The following XKR9 variants were observed in gnomAD, a reference collection of about 807,000 sequenced individuals.
XKR9 encodes the protein XK-related protein 9.
In XKR9, 32 loss-of-function variants were observed where a neutral mutation model predicts 32.0. The ratio of observed to expected loss-of-function variants is 1.00; its 90% CI spans 0.76 to 1.34. XKR9 has a LOEUF of 1.34. XKR9 is among the 40% of genes most tolerant of loss of function. XKR9 has a pLI of 0.00. For synonymous variants in XKR9, 168 were observed against 143.4 expected (o/e 1.17, Z -1.22); for missense variants, 546 against 429.7 (o/e 1.27, Z -2.39).
At chr8:70,722,120 C>A (rs1806302990) in intron 4 of XKR9, among the ~76,000 whole-genome samples, 1 of 151,776 alleles carries the variant, frequency 6.6e-6, no homozygotes, top group African/African-American at 2.4e-5. Flanking sequence ...GCATTGCAAC[C>A]CCTGATTTTT....
In XKR9 at chr8:70,734,624, T is replaced by G. The variant is rs758111736; in HGVS notation, c.*200T>G. On this transcript the variant is annotated 3_prime_UTR_variant, in exon 5 of 5. Transcript: ENST00000408926. ...TTTGAAGATCTTGAGTACTCAGATA[T>G]CTTTCTACTGCCTGGTAGAGCTGCC... is the stretch of plus-strand genomic sequence containing the variant. The G allele has an allele frequency of 2.3e-5, 13 of 562,676 alleles. No individual in the cohort carries two copies. Among genetic ancestry groups the G allele is most frequent in the Non-Finnish European group, 3.3e-5 (13 of 396,230 alleles). 34.9% of individuals were successfully genotyped at this position (562,676 alleles called of 1,614,324 possible).
At chr8:71,033,627 A>G in the XKR9 span, among the ~76,000 whole-genome samples, 1 of 152,054 alleles carries the variant, frequency 6.6e-6, no homozygotes, top group Non-Finnish European at 1.5e-5. Context: ...GTGGTGAGTG[A>G]GTTGTTGCTC....
chr8:70,869,676 G>A, the XKR9 span, among the ~76,000 whole-genome samples: 1 of 152,234 alleles, frequency 6.6e-6, no homozygotes, highest in South Asian at 2.1e-4. Flanking sequence ...CTTACCCATT[G>A]CATGCTAAAT....
the XKR9 span, among the ~76,000 whole-genome samples, chr8:70,819,748 C>T: frequency 2.0e-5 from 3 of 152,290 alleles, no homozygotes; most frequent in South Asian, 2.1e-4. Context: ...TTTTCTCTCC[C>T]TTTCTGTAAA....
At chr8:70,967,746 A>G in the XKR9 span, among the ~76,000 whole-genome samples, 1 of 151,800 alleles carries the variant, frequency 6.6e-6, no homozygotes, top group East Asian at 1.9e-4. Flanking sequence ...TTTTTTTAAG[A>G]ATGTTGAATA....
At position 70,754,688 on chromosome 8, in the gene XKR9, G is replaced by T. The variant is rs575713828; in HGVS notation, n.353-34651G>T. Reference sequence around the variant, plus strand: ...AAGGATTCCCTATTTAATAAATGGTGCTGGGAAAACTGGCTAGCCATATGT... The same window carrying T: ...AAGGATTCCCTATTTAATAAATGGTTCTGGGAAAACTGGCTAGCCATATGT... On this transcript the variant is annotated intron_variant and non_coding_transcript_variant, in intron 2 of 3. Coordinates refer to the XKR9 transcript ENST00000520273. 2.7e-4 allele frequency among the ~76,000 whole-genome samples: 41 copies of T among 151,280 alleles called. 1 individual carries two copies. The East Asian group carries it at 7.4e-3, about 27-fold the overall frequency.
At chr8:70,739,285 T>G (rs1196281059), downstream of XKR9, among the ~76,000 whole-genome samples, 2 of 152,218 alleles carry the variant, frequency 1.3e-5, no homozygotes, top group South Asian at 4.1e-4. Flanking sequence ...AGACTATGAT[T>G]GCAATCCCTG....
At chr8:70,869,461 G>T in the XKR9 span, among the ~76,000 whole-genome samples, 1 of 152,274 alleles carries the variant, frequency 6.6e-6, no homozygotes, top group South Asian at 2.1e-4. Context: ...AAAGCCATCA[G>T]ATCTCATGAG....
At chr8:70,924,380 C>G in the XKR9 span, among the ~76,000 whole-genome samples, 1 of 152,140 alleles carries the variant, frequency 6.6e-6, no homozygotes, top group Non-Finnish European at 1.5e-5. Context: ...GCAAATTTGA[C>G]CATGTAAGCC....
chr8:70,843,232 A>G, the XKR9 span, among the ~76,000 whole-genome samples: 1 of 152,240 alleles, frequency 6.6e-6, no homozygotes. Flanking sequence ...GCAGCCTTCC[A>G]CTATGAATAT....
chr8:71,049,622 G>A, the XKR9 span, among the ~76,000 whole-genome samples: 2 of 152,170 alleles, frequency 1.3e-5, no homozygotes, highest in Non-Finnish European at 2.9e-5. Context: ...TGAGAATGGG[G>A]GAGAAGCTTC....
chr8:70,686,793 G>T (rs1308947793), intron 3 of XKR9, among the ~76,000 whole-genome samples: 1 of 151,616 alleles, frequency 6.6e-6, no homozygotes, highest in Non-Finnish European at 1.5e-5. Context: ...TTCCTCTTTG[G>T]CCTCTTTTAA....
At chr8:70,974,976 T>A in the XKR9 span, among the ~76,000 whole-genome samples, 2 of 152,260 alleles carry the variant, frequency 1.3e-5, no homozygotes, top group African/African-American at 4.8e-5. Context: ...GATTTGCATT[T>A]CTCTGATGAC....
intron 2 of XKR9, among the ~76,000 whole-genome samples, chr8:70,776,028 A>T (rs1009656872): frequency 6.6e-6 from 1 of 152,042 alleles, no homozygotes; most frequent in Non-Finnish European, 1.5e-5. Flanking sequence ...TTACAGGCAT[A>T]AGCCACTGCC....
At chr8:70,807,471 A>G in the XKR9 span, among the ~76,000 whole-genome samples, 1 of 152,176 alleles carries the variant, frequency 6.6e-6, no homozygotes, top group Non-Finnish European at 1.5e-5. Flanking sequence ...AGAGTGGCAA[A>G]TTGGATAAAG....
At chr8:70,901,423 T>C in the XKR9 span, among the ~76,000 whole-genome samples, 2 of 152,238 alleles carry the variant, frequency 1.3e-5, no homozygotes, top group African/African-American at 4.8e-5. Flanking sequence ...TGATGAGCAT[T>C]TTTTCATGTG....
the XKR9 span, among the ~76,000 whole-genome samples, chr8:70,887,908 C>G: frequency 2.0e-5 from 3 of 151,984 alleles, no homozygotes; most frequent in East Asian, 1.9e-4. Flanking sequence ...ATTTGAATAC[C>G]CTTTATTTCT....
chr8:70,739,171 A>G, downstream of XKR9, among the ~76,000 whole-genome samples: 1 of 152,070 alleles, frequency 6.6e-6, no homozygotes, highest in Non-Finnish European at 1.5e-5. Flanking sequence ...GTGTATATAT[A>G]TTTAGGATAG....
intron 3 of XKR9, among the ~76,000 whole-genome samples, chr8:70,700,773 G>T (rs1805495826): frequency 6.6e-6 from 1 of 152,178 alleles, no homozygotes; most frequent in East Asian, 1.9e-4. Context: ...GTTTGTCTGT[G>T]CCCTGCCTCC....
Sources: gnomAD v4.1 joint callset for allele counts (sites outside exome capture counted in the v4.1 genomes callset) on GRCh38, gnomAD v4.1.1 for gene constraint, MANE v1.5 for transcripts, NCBI Gene and HGNC (gene_info 2026-07-23, HGNC 2026-07-21) for gene names.